Variants in STK32C observed in about 807,000 individuals in gnomAD.
STK32C encodes the protein serine/threonine-protein kinase 32C.
Under a neutral mutation model 56.5 loss-of-function variants are expected in STK32C, and 31 were observed. The ratio of observed to expected loss-of-function variants is 0.55; its 90% CI spans 0.41 to 0.74. The LOEUF (loss-of-function observed/expected upper bound fraction) is 0.74. STK32C is among the 30% of genes least tolerant of loss of function. The pLI is 0.00. For missense variants in STK32C, 544 were observed against 676.9 expected (o/e 0.80, Z 2.18); for synonymous variants, 309 against 289.4 (o/e 1.07, Z -0.69).
At position 132,314,120 on chromosome 10, in the gene STK32C, C is replaced by T. The variant is rs570103675; in HGVS notation, c.301+17316G>A. On this transcript the variant is annotated intron_variant, in intron 1 of 3. Transcript: ENST00000368620. ...GCGATGCACCACCTTACCTGGGCCC[C>T]GCCCTTCTCTGCCCCTCTGCCCTTC... Among the ~76,000 whole-genome samples, 8 of 152,320 alleles carry T rather than the reference C, an allele frequency of 5.3e-5. No individual in the cohort carries two copies. In the South Asian group the frequency reaches 6.2e-4, roughly 12 times the overall value.
At chr10:132,274,829 G>A (rs1050169146) in intron 1 of STK32C, among the ~76,000 whole-genome samples, 7 of 152,250 alleles carry the variant, frequency 4.6e-5, no homozygotes, top group Admixed American at 1.3e-4. Context: ...GCAGCCAGCA[G>A]GCGCCTCCTC....
downstream of STK32C, among the ~76,000 whole-genome samples, chr10:132,321,020 G>A (rs563188274): frequency 6.6e-5 from 10 of 152,314 alleles, no homozygotes; most frequent in South Asian, 1.7e-3. Flanking sequence ...CTGGCTTGCC[G>A]TGTGGTTTGT....
intron 1 of STK32C, among the ~76,000 whole-genome samples, chr10:132,331,021 T>A (rs557883838): frequency 2.7e-5 from 4 of 150,418 alleles, no homozygotes; most frequent in Non-Finnish European, 4.4e-5. Context: ...GCCAACATGA[T>A]GAAACCCCGT....
chr10:132,219,938 G>T (rs1268595588), intron 10 of STK32C, among the ~76,000 whole-genome samples: 1 of 152,138 alleles, frequency 6.6e-6, no homozygotes, highest in Non-Finnish European at 1.5e-5. Flanking sequence ...CAGACTCAGG[G>T]GCAAGGGGAC....
At position 132,257,821 on chromosome 10, in the gene STK32C, G is replaced by A. The variant is rs1287542630; in HGVS notation, c.263-11866C>T. Among the ~76,000 whole-genome samples, 3 of 151,838 alleles carry A rather than the reference G, an allele frequency of 2.0e-5. No homozygotes were observed. In the East Asian group the frequency reaches 5.8e-4, roughly 30 times the overall value. On this transcript the variant is annotated intron_variant, in intron 1 of 11. Coordinates refer to ENST00000298630, the MANE Select transcript of STK32C (RefSeq NM_173575.4). ...GGGGACCCATCAGCTGCCCTGGGCT[G>A]GGGGCTCCTCTACACCTGCAGGTGG...
At chr10:132,230,979 G>A (rs906959351) in intron 2 of STK32C, among the ~76,000 whole-genome samples, 7 of 152,180 alleles carry the variant, frequency 4.6e-5, no homozygotes, top group African/African-American at 1.7e-4. Flanking sequence ...TCTGGGCCCT[G>A]TCACATGTGC....
chr10:132,207,892 T>C lies in STK32C; in HGVS notation c.*118A>G, dbSNP rs2062148239. ...GGTGTGAAATGTGTCCGGGGCACTG[T>C]GGGCACCGCCAGCCAGGCTGGGTGG... On this transcript the variant is annotated 3_prime_UTR_variant, in exon 12 of 12. Transcript: ENST00000298630. The C allele has an allele frequency of 8.5e-7, 1 of 1,171,890 alleles. No individual in the cohort carries two copies. Among genetic ancestry groups the C allele is most frequent in the Non-Finnish European group, 1.1e-6 (1 of 927,686 alleles). The allele number at this position is 1,171,890 out of a possible 1,614,324, so 72.6% of individuals were successfully genotyped here. A position where few individuals can be genotyped will look rare whatever the true frequency, so the allele number is the denominator to read the frequency against.
chr10:132,217,124 G>A (rs527948660), intron 10 of STK32C, among the ~76,000 whole-genome samples: 9 of 152,354 alleles, frequency 5.9e-5, no homozygotes, highest in South Asian at 2.1e-4. Context: ...GCCAGCCCAC[G>A]AAAGCAGCCG....
At position 132,225,291 on chromosome 10, in the gene STK32C, G is replaced by A; in HGVS notation, c.818C>T (p.Ser273Phe). 2.5e-6 allele frequency: 4 copies of A among 1,607,700 alleles called. No homozygotes were observed. Among genetic ancestry groups the A allele is most frequent in the Non-Finnish European group, 3.4e-6 (4 of 1,177,386 alleles). ...CACCGACCACCAGTCCACCTCGAAG[G>A]AGTAGCCGGTCCCGCCGTTGACAAA... ...HSFVNGGTGYSFEVDWWSVGV... is the reference protein window; with the variant it reads ...HSFVNGGTGYFFEVDWWSVGV... The change falls in exon 7 of 12, where the codon TCC becomes TTC. Residue 273 changes from serine (S) to phenylalanine (F), a missense_variant. Ser to Phe is a radical substitution (Grantham distance 155). Around this residue, in one of 3 missense-constraint regions of STK32C, gnomAD observed 277 missense variants for 309.3 expected, o/e 0.90. Coordinates refer to ENST00000298630, the MANE Select transcript of STK32C (RefSeq NM_173575.4).
At chr10:132,225,403 C>G (rs756174619) in intron 6 of STK32C, 67 bp from the exon 7 acceptor site, 1 of 1,583,234 alleles carries the variant, frequency 6.3e-7, no homozygotes, top group Non-Finnish European at 8.6e-7. Flanking sequence ...GGCACAGGGC[C>G]GGCACCTTGA....
In STK32C at chr10:132,207,937, C is replaced by T. The variant is rs2062149596; in HGVS notation, c.*73G>A. On this transcript the variant is annotated 3_prime_UTR_variant, in exon 12 of 12. Transcript: ENST00000298630. ...GGGTGGGAACGTGAATGCCAGGCCT[C>T]GGCCCATGGCCCTCCCTCTGGCAGC... 2 of 1,251,982 alleles carry T rather than the reference C, an allele frequency of 1.6e-6. No individual in the cohort carries two copies. The highest frequency in any genetic ancestry group is 4.0e-5 in the South Asian group (1 of 24,884). The allele number at this position is 1,251,982 out of a possible 1,614,324, so 77.6% of individuals were successfully genotyped here.
At chr10:132,237,498 G>A (rs2063334552) in intron 2 of STK32C, among the ~76,000 whole-genome samples, 3 of 152,374 alleles carry the variant, frequency 2.0e-5, no homozygotes, top group South Asian at 2.1e-4. Flanking sequence ...AATTCCCACC[G>A]CCTTTTGGCC....
In STK32C at chr10:132,273,921, C is replaced by T. The variant is rs2064916946; in HGVS notation, c.263-27966G>A. 2.0e-5 allele frequency among the ~76,000 whole-genome samples: 3 copies of T among 152,218 alleles called. No individual in the cohort carries two copies. The South Asian group carries it at 6.2e-4, about 32-fold the overall frequency. ...CCCACTATGCGTGTGCTGACCCCAG[C>T]CCCATACTGACTGGGCCTGGGCTGC... is the stretch of plus-strand genomic sequence containing the variant. On this transcript the variant is annotated intron_variant, in intron 1 of 11. Coordinates refer to ENST00000298630, the MANE Select transcript of STK32C (RefSeq NM_173575.4).
intron 1 of STK32C, among the ~76,000 whole-genome samples, chr10:132,290,094 G>C (rs1027904480): frequency 6.6e-6 from 1 of 152,178 alleles, no homozygotes. Context: ...GTGTCTCCAA[G>C]ATACCAGCCG....
chr10:132,231,385 C>T (rs931260038), intron 2 of STK32C, among the ~76,000 whole-genome samples: 11 of 152,250 alleles, frequency 7.2e-5, no homozygotes, highest in African/African-American at 2.7e-4. Flanking sequence ...GGCAGGGTTA[C>T]ACTCAGGTCT....
chr10:132,297,717 C>T (rs2065796339), intron 1 of STK32C, among the ~76,000 whole-genome samples: 1 of 152,214 alleles, frequency 6.6e-6, no homozygotes, highest in Admixed American at 6.5e-5. Context: ...GGTGCGTCCT[C>T]CAGGGGCAGT....
intron 1 of STK32C, among the ~76,000 whole-genome samples, chr10:132,276,207 C>T (rs59216195): frequency 0.079 from 12,015 of 152,194 alleles, 755 homozygotes; most frequent in African/African-American, 0.17. Context: ...ACAGCATGAC[C>T]GCAGCAGAAA....
downstream of STK32C, among the ~76,000 whole-genome samples, chr10:132,323,135 G>A (rs372525535): frequency 2.5e-4 from 38 of 151,962 alleles, no homozygotes; most frequent in East Asian, 1.7e-3. The surrounding 1 kb of genome is among the most constrained non-coding windows in gnomAD (Gnocchi z 4.8). Flanking sequence ...AAATAATGAC[G>A]TTTTCAGTTG....
chr10:132,280,464 C>T (rs545002242), intron 1 of STK32C, among the ~76,000 whole-genome samples: 13 of 143,074 alleles, frequency 9.1e-5, no homozygotes, highest in South Asian at 2.3e-4. Flanking sequence ...CCCATGATCA[C>T]GCCCCTGCAC....
Sources: gnomAD v4.1 joint callset for allele counts (sites outside exome capture counted in the v4.1 genomes callset) on GRCh38, gnomAD v4.1.1 for gene constraint, gnomAD v4.1.1 regional missense constraint, Gnocchi (gnomAD v3.1) non-coding constraint, MANE v1.5 for transcripts, NCBI Gene and HGNC (gene_info 2026-07-23, HGNC 2026-07-21) for gene names.